The following ZMIZ1 variants were observed in gnomAD, a reference collection of about 807,000 sequenced individuals.
The protein encoded by ZMIZ1 is zinc finger MIZ-type containing 1.
In ZMIZ1, 17 loss-of-function variants were observed where a neutral mutation model predicts 113.9. The observed-to-expected ratio is 0.15, with a 90% CI of 0.10 to 0.22. ZMIZ1 has a LOEUF of 0.22. Among genes scored for constraint, ZMIZ1 ranks in the 10% least tolerant of loss-of-function variants. ZMIZ1 has a pLI of 1.00. For missense variants in ZMIZ1, 1,059 were observed against 1,477.8 expected (o/e 0.72, Z 4.65); for synonymous variants, 607 against 603.1 (o/e 1.01, Z -0.09).
chr10:79,214,402 C>G (rs546839331), intron 6 of ZMIZ1, among the ~76,000 whole-genome samples: 9 of 152,168 alleles, frequency 5.9e-5, no homozygotes, highest in African/African-American at 2.2e-4. Context: ...CACAGAGGGG[C>G]GCAGGGAGGG....
chr10:79,298,618 G>C, intron 15 of ZMIZ1, 38 bp downstream of exon 15: 3 of 1,559,430 alleles, frequency 1.9e-6, no homozygotes, highest in Non-Finnish European at 1.7e-6. Flanking sequence ...AGCTCCACCT[G>C]GGCCCCCCAG....
intron 1 of ZMIZ1, among the ~76,000 whole-genome samples, chr10:79,103,772 G>A (rs1278321689): frequency 6.6e-6 from 1 of 152,136 alleles, no homozygotes; most frequent in Non-Finnish European, 1.5e-5. Flanking sequence ...TGCTTCCCTG[G>A]GGGCCTGGCC....
At chr10:79,176,438 C>T (rs1846872851) in intron 4 of ZMIZ1, among the ~76,000 whole-genome samples, 1 of 152,032 alleles carries the variant, frequency 6.6e-6, no homozygotes, top group African/African-American at 2.4e-5. Flanking sequence ...CCGAGGTCTT[C>T]CTGACAGTCC....
At chr10:79,274,148 C>G (rs1852117724) in intron 7 of ZMIZ1, among the ~76,000 whole-genome samples, 1 of 152,262 alleles carries the variant, frequency 6.6e-6, no homozygotes, top group South Asian at 2.1e-4. Flanking sequence ...GTAGAAGGCA[C>G]TCTTGACCCT....
chr10:79,301,728 C>T (rs1238115992), intron 17 of ZMIZ1, among the ~76,000 whole-genome samples: 2 of 151,964 alleles, frequency 1.3e-5, no homozygotes, highest in Admixed American at 6.6e-5. Context: ...GATGGGTGGA[C>T]GTTTGGGATG....
At chr10:79,282,655 G>A (rs994618244) in intron 8 of ZMIZ1, among the ~76,000 whole-genome samples, 4 of 152,228 alleles carry the variant, frequency 2.6e-5, no homozygotes, top group Admixed American at 1.3e-4. Flanking sequence ...TCTTGGCCTC[G>A]TGGTTCCCTG....
rs11002904 is a variant in ZMIZ1, at chr10:79,277,367, C to T, written c.425+42C>T. ...CATGGGTGCAGGTACTGAGCAGACA[C>T]CCCTCTGGTCTCAGATCTCCTTGGA... On this transcript the variant is annotated intron_variant, in intron 8 of 24. Transcript: ENST00000334512. 1,069 of 1,522,488 alleles carry T rather than the reference C, an allele frequency of 7.0e-4. 4 individuals are homozygous for T. In the African/African-American group the frequency reaches 0.013, roughly 19 times the overall value. 94.3% of individuals were successfully genotyped at this position (1,522,488 alleles called of 1,614,324 possible).
At chr10:79,293,921 A>G in intron 12 of ZMIZ1, 1 of 568,340 alleles carries the variant, frequency 1.8e-6, no homozygotes, top group South Asian at 2.1e-5. Context: ...CTGGGCTGGC[A>G]TGTGCCGCCA....
At chr10:79,132,524 G>T (rs1481472944) in intron 2 of ZMIZ1, among the ~76,000 whole-genome samples, 1 of 152,228 alleles carries the variant, frequency 6.6e-6, no homozygotes, top group African/African-American at 2.4e-5. Context: ...ATTCCTAAAA[G>T]TTTGGACAAC....
At chr10:79,220,591 G>T (rs1471785427) in intron 7 of ZMIZ1, among the ~76,000 whole-genome samples, 2 of 152,200 alleles carry the variant, frequency 1.3e-5, no homozygotes, top group African/African-American at 2.4e-5. Flanking sequence ...TGACGTGCCT[G>T]TGCAGTTCTG....
intron 4 of ZMIZ1, among the ~76,000 whole-genome samples, chr10:79,200,879 C>A (rs1175013209): frequency 6.6e-6 from 1 of 152,106 alleles, no homozygotes; most frequent in Non-Finnish European, 1.5e-5. Context: ...ATGGGAAGGT[C>A]CCCCTGCATG....
chr10:79,213,760 T>G (rs566996840), intron 6 of ZMIZ1, among the ~76,000 whole-genome samples: 1 of 152,336 alleles, frequency 6.6e-6, no homozygotes, highest in African/African-American at 2.4e-5. Flanking sequence ...CCCAGAGTTT[T>G]CAGCTAGACT....
Position 79,312,911 on chromosome 10 carries a change from G to A in ZMIZ1, c.*162G>A, listed in dbSNP as rs1247063432. The A allele has an allele frequency of 1.3e-5, 8 of 635,122 alleles. No individual in the cohort carries two copies. The Middle Eastern group carries it at 1.7e-3, about 137-fold the overall frequency. The allele number at this position is 635,122 out of a possible 1,614,324, so 39.3% of individuals were successfully genotyped here. A position where few individuals can be genotyped will look rare whatever the true frequency, so the allele number is the denominator to read the frequency against. On this transcript the variant is annotated 3_prime_UTR_variant, in exon 25 of 25. Coordinates refer to ENST00000334512, the MANE Select transcript of ZMIZ1 (RefSeq NM_020338.4). ...CGCTGCAGCCCTCTCAGAACAGAGG[G>A]GTAGGGAGGGTGCACCAGTGCACCA...
chr10:79,251,044 T>C (rs1850523997), intron 7 of ZMIZ1, among the ~76,000 whole-genome samples: 1 of 152,082 alleles, frequency 6.6e-6, no homozygotes, highest in Non-Finnish European at 1.5e-5. Context: ...GCTGGGGACT[T>C]GTGGCCATTG....
intron 4 of ZMIZ1, among the ~76,000 whole-genome samples, chr10:79,165,116 G>A (rs1443186760): frequency 6.6e-6 from 1 of 152,138 alleles, no homozygotes; most frequent in Non-Finnish European, 1.5e-5. Context: ...TGGGAGGTGG[G>A]GGCCTCAGAC....
At chr10:79,242,831 T>A (rs910231543) in intron 7 of ZMIZ1, among the ~76,000 whole-genome samples, 6 of 151,976 alleles carry the variant, frequency 3.9e-5, no homozygotes, top group Non-Finnish European at 8.8e-5. Context: ...GTGCTGCTCG[T>A]CGGGTCGTGC....
intron 7 of ZMIZ1, among the ~76,000 whole-genome samples, chr10:79,224,062 G>T (rs549785914): frequency 2.6e-5 from 4 of 152,176 alleles, no homozygotes; most frequent in African/African-American, 2.4e-5. Context: ...CCATTAAAAC[G>T]AGGTCTCCAA....
At chr10:79,276,991 G>T (rs1341524433) in intron 7 of ZMIZ1, among the ~76,000 whole-genome samples, 190 bp from the exon 8 acceptor site, 1 of 152,138 alleles carries the variant, frequency 6.6e-6, no homozygotes, top group Non-Finnish European at 1.5e-5. Context: ...TCCTTCAAGG[G>T]TGTCAGTCCC....
chr10:79,302,479 G>T (rs1357210573), intron 18 of ZMIZ1, among the ~76,000 whole-genome samples: 2 of 152,166 alleles, frequency 1.3e-5, no homozygotes, highest in Non-Finnish European at 2.9e-5. Flanking sequence ...CAGCTTGGGA[G>T]CCAGAACAGG....
Sources: gnomAD v4.1 joint callset for allele counts (sites outside exome capture counted in the v4.1 genomes callset) on GRCh38, gnomAD v4.1.1 for gene constraint, MANE v1.5 for transcripts, NCBI Gene and HGNC (gene_info 2026-07-23, HGNC 2026-07-21) for gene names.